Variants in CCDC88C observed in about 807,000 individuals in gnomAD.
The protein encoded by CCDC88C is coiled-coil and HOOK domain protein 88C, also known as protein Daple.
Under a neutral mutation model 198.8 loss-of-function variants are expected in CCDC88C, and 131 were observed. The ratio of observed to expected loss-of-function variants is 0.66; its 90% CI spans 0.57 to 0.76. The LOEUF is 0.76. CCDC88C is among the 30% of genes least tolerant of loss of function. CCDC88C has a pLI of 0.00. For synonymous variants in CCDC88C, 1,166 were observed against 1,114.7 expected (o/e 1.05, Z -0.92); for missense variants, 2,553 against 2,631.6 (o/e 0.97, Z 0.65).
intron 3 of CCDC88C, among the ~76,000 whole-genome samples, chr14:91,370,656 G>C (rs1262394032): frequency 2.0e-5 from 3 of 152,206 alleles, no homozygotes; most frequent in African/African-American, 7.2e-5. Context: ...ATGCAAGCCG[G>C]GTCTCTGCAT....
In CCDC88C at chr14:91,278,086, C is replaced by T. The variant is rs377095559; in HGVS notation, c.4894G>A (p.Glu1632Lys). 63 of 1,612,176 alleles carry T rather than the reference C, an allele frequency of 3.9e-5. No individual in the cohort carries two copies. The highest frequency in any genetic ancestry group is 8.8e-5 in the South Asian group (8 of 90,744). Reference protein sequence around the residue: ...TPGRNALGRHEYPLPRNGPLP... With the variant: ...TPGRNALGRHKYPLPRNGPLP... The stretch of plus-strand genomic sequence containing the variant: ...GGCCCGTTCCGAGGCAAGGGGTACT[C>T]GTGGCGGCCGAGGGCGTTGCGTCCC... The change falls in exon 29 of 30, where the codon GAG (glutamate) becomes AAG (lysine). Residue 1632 changes from glutamate (E) to lysine (K), a missense_variant. Physicochemically the swap from Glu to Lys is moderately conservative, Grantham distance 56. Around this residue, in one of 2 missense-constraint regions of CCDC88C, gnomAD observed 1,293 missense variants for 1,219.6 expected, o/e 1.06. Coordinates refer to ENST00000389857, the MANE Select transcript of CCDC88C (RefSeq NM_001080414.4).
At chr14:91,340,161 G>A (rs1893259085) in intron 6 of CCDC88C, 137 bp from the exon 7 acceptor site, 10 of 1,246,478 alleles carry the variant, frequency 8.0e-6, no homozygotes, top group Non-Finnish European at 9.0e-6. Context: ...GCAAAAGGGT[G>A]CCCTACGCAA....
In CCDC88C at chr14:91,272,529, C is replaced by T; in HGVS notation, c.*96G>A. 3.0e-6 allele frequency: 4 copies of T among 1,322,048 alleles called. No individual in the cohort carries two copies. Among genetic ancestry groups the T allele is most frequent in the Non-Finnish European group, 4.2e-6 (4 of 961,852 alleles). The allele number at this position is 1,322,048 out of a possible 1,614,324, so 81.9% of individuals were successfully genotyped here. A position where few individuals can be genotyped will look rare whatever the true frequency, so the allele number is the denominator to read the frequency against. On this transcript the variant is annotated 3_prime_UTR_variant, in exon 30 of 30. Transcript: ENST00000389857. ...TGGGAACCCCTTTCCTCATTCCAAA[C>T]CCTCTCCTGGCACCGCAGGCAAGCA...
At chr14:91,373,885 C>A (rs929360092) in intron 3 of CCDC88C, among the ~76,000 whole-genome samples, 1 of 152,220 alleles carries the variant, frequency 6.6e-6, no homozygotes, top group African/African-American at 2.4e-5. Context: ...CTCTGTCCAG[C>A]CACACTTGCC....
chr14:91,277,443 T>A (rs1455720126), intron 29 of CCDC88C, among the ~76,000 whole-genome samples: 3 of 152,274 alleles, frequency 2.0e-5, no homozygotes, highest in Admixed American at 6.5e-5. Context: ...CATGTCCATC[T>A]ATTGACATAG....
intron 3 of CCDC88C, among the ~76,000 whole-genome samples, chr14:91,372,187 G>C (rs1364102213): frequency 6.6e-6 from 1 of 152,068 alleles, no homozygotes; most frequent in Non-Finnish European, 1.5e-5. Flanking sequence ...GTGTCTGATG[G>C]CATGCCAGTT....
At chr14:91,308,592 G>T in intron 16 of CCDC88C, 100 bp from the exon 17 acceptor site, 4 of 1,242,634 alleles carry the variant, frequency 3.2e-6, no homozygotes, top group Non-Finnish European at 4.6e-6. Flanking sequence ...ATTAGGCTGG[G>T]TTACGGAGCT....
intron 15 of CCDC88C, among the ~76,000 whole-genome samples, chr14:91,312,687 A>T (rs1725327766): frequency 6.6e-6 from 1 of 152,206 alleles, no homozygotes; most frequent in Non-Finnish European, 1.5e-5. Context: ...CGTCTCAAAA[A>T]TAAATAAATA....
At chr14:91,314,429 G>T (rs908391846) in intron 14 of CCDC88C, among the ~76,000 whole-genome samples, 11 of 152,194 alleles carry the variant, frequency 7.2e-5, no homozygotes, top group African/African-American at 2.7e-4. Context: ...GGTTTCTCTT[G>T]GTCTCTGGTA....
chr14:91,298,721 C>T (rs1161090977), intron 21 of CCDC88C, among the ~76,000 whole-genome samples: 1 of 152,210 alleles, frequency 6.6e-6, no homozygotes, highest in African/African-American at 2.4e-5. Flanking sequence ...CTCCGTTCAA[C>T]AGTCTGTGGT....
At chr14:91,362,999 C>T (rs1468897619) in intron 3 of CCDC88C, among the ~76,000 whole-genome samples, 3 of 151,522 alleles carry the variant, frequency 2.0e-5, no homozygotes, top group African/African-American at 7.3e-5. Flanking sequence ...CCTTTCAAAA[C>T]ACCATGGTTC....
Position 91,339,481 on chromosome 14 carries a change from G to T in CCDC88C, c.625-19C>A, listed in dbSNP as rs1043377302. ...CGATCAGCTGCAGCCGGGCAGAGAG[G>T]GGGATGGAGGAGAACAAACGGGGTT... On this transcript the variant is annotated intron_variant, in intron 7 of 29. Transcript: ENST00000389857. This position sits in a 1 kb window ranked among gnomAD's most constrained non-coding sequence, Gnocchi z 5.8. 6.3e-7 allele frequency: 1 copy of T among 1,594,432 alleles called. No homozygotes were observed.
At chr14:91,320,965 A>C (rs1892330538) in intron 13 of CCDC88C, among the ~76,000 whole-genome samples, 155 bp downstream of exon 13, 1 of 152,094 alleles carries the variant, frequency 6.6e-6, no homozygotes. Flanking sequence ...TCCTATTATA[A>C]TCAGCGGTGA....
chr14:91,382,955 A>G (rs1884895913), intron 3 of CCDC88C, among the ~76,000 whole-genome samples: 1 of 152,094 alleles, frequency 6.6e-6, no homozygotes, highest in Non-Finnish European at 1.5e-5. Flanking sequence ...GGAGGCTACA[A>G]AGCAGGGGCC....
At chr14:91,400,447 G>A (rs1567123119) in intron 3 of CCDC88C, among the ~76,000 whole-genome samples, 1 of 152,212 alleles carries the variant, frequency 6.6e-6, no homozygotes, top group African/African-American at 2.4e-5. Context: ...TGTGACCTCC[G>A]GATGGTTGGG....
chr14:91,281,261 A>G, intron 27 of CCDC88C, 196 bp downstream of exon 27: 2 of 1,405,698 alleles, frequency 1.4e-6, no homozygotes, highest in Admixed American at 2.0e-5. Context: ...GAGGTAGCGA[A>G]TTCCCCACCA....
chr14:91,322,145 C>T lies in CCDC88C; in HGVS notation c.1343-841G>A, dbSNP rs544147579. ...CCTTCATTTACCCAACCCAGTGCCA[C>T]GTCCTCATCTCTTGGGGCCTTTCCA... On this transcript the variant is annotated intron_variant, in intron 12 of 29. Transcript: ENST00000389857. 1.2e-4 allele frequency among the ~76,000 whole-genome samples: 18 copies of T among 152,264 alleles called. No homozygotes were observed. The South Asian group carries it at 2.7e-3, about 23-fold the overall frequency.
Position 91,342,431 on chromosome 14 carries a change from G to C in CCDC88C, c.432C>G (p.Ile144Met). The C allele has an allele frequency of 6.3e-7, 1 of 1,598,086 alleles. No individual in the cohort carries two copies. The highest frequency in any genetic ancestry group is 1.1e-5 in the South Asian group (1 of 87,786). The change falls in exon 6 of 30, where the codon ATC (isoleucine) becomes ATG (methionine). Residue 144 changes from isoleucine (I) to methionine (M), a missense_variant. Transcript: ENST00000389857. ...CCTGGGTCTCAATGTCCAGCTGTTT[G>C]ATTCTTTCAATGAACTCCTCTTTCC... is the stretch of plus-strand genomic sequence containing the variant. ...CERKEEFIER[I>M]KQLDIETQAG... is the part of the protein sequence containing the mutation.
rs150457957 is a variant in CCDC88C, at chr14:91,295,439, G to A, written c.3967-1121C>T. On this transcript the variant is annotated intron_variant, in intron 22 of 29. Transcript: ENST00000389857. Reference sequence around the variant, plus strand: ...CACGTCACAAACGTGGCAAGTCAGCGGTCTGCAGGGTGAAAGGCCGTCCCT... The same window carrying A: ...CACGTCACAAACGTGGCAAGTCAGCAGTCTGCAGGGTGAAAGGCCGTCCCT... Among the ~76,000 whole-genome samples the A allele has an allele frequency of 3.6e-3, 544 of 152,358 alleles. 4 individuals carry two copies. Among genetic ancestry groups the A allele is most frequent in the African/African-American group, 0.012 (508 of 41,582 alleles).
Sources: gnomAD v4.1 joint callset for allele counts (sites outside exome capture counted in the v4.1 genomes callset) on GRCh38, gnomAD v4.1.1 for gene constraint, gnomAD v4.1.1 regional missense constraint, Gnocchi (gnomAD v3.1) non-coding constraint, MANE v1.5 for transcripts, NCBI Gene and HGNC (gene_info 2026-07-23, HGNC 2026-07-21) for gene names.